DPP10: variants seen among roughly 807,000 people sequenced by gnomAD.
The protein encoded by DPP10 is inactive dipeptidyl peptidase 10.
In DPP10, 33 loss-of-function variants were observed where a neutral mutation model predicts 120.9. That is an observed-to-expected ratio of 0.27 (90% CI 0.21 to 0.37). DPP10 has a LOEUF of 0.37. Ranked by LOEUF, DPP10 falls within the 10% of genes least tolerant of loss-of-function variation. DPP10 has a pLI of 1.00. For synonymous variants in DPP10, 337 were observed against 326.1 expected, an observed-to-expected ratio of 1.03 and a Z score of -0.36; for missense variants, 816 against 942.8, an observed-to-expected ratio of 0.87 and a Z score of 1.76.
chr2:115,839,171 A>C (rs1217048832), intron 24 of DPP10, among the ~76,000 whole-genome samples: 1 of 152,176 alleles, frequency 6.6e-6, no homozygotes, highest in Non-Finnish European at 1.5e-5. Flanking sequence ...GTTTGTACTT[A>C]TGTAGCAATG....
chr2:114,850,861 G>A (rs1688896882), intron 1 of DPP10, among the ~76,000 whole-genome samples: 1 of 150,954 alleles, frequency 6.6e-6, no homozygotes, highest in African/African-American at 2.4e-5. Context: ...TTTTTTTCCT[G>A]CATGGTACCC....
chr2:115,384,865 C>T (rs191175288), intron 3 of DPP10, among the ~76,000 whole-genome samples: 14 of 152,268 alleles, frequency 9.2e-5, no homozygotes, highest in East Asian at 1.9e-4. Context: ...ATTTTACTCC[C>T]GTAATTCCCA....
intron 5 of DPP10, among the ~76,000 whole-genome samples, chr2:115,586,818 C>T (rs1420720514): frequency 1.3e-5 from 2 of 152,022 alleles, no homozygotes; most frequent in Admixed American, 6.6e-5. Context: ...TTGCACTGTT[C>T]TCATAAGGAA....
At chr2:114,523,548 A>G (rs1685249278) in intron 1 of DPP10, among the ~76,000 whole-genome samples, 1 of 152,206 alleles carries the variant, frequency 6.6e-6, no homozygotes, top group Admixed American at 6.5e-5. Flanking sequence ...ATTATGGCTT[A>G]TAAATGTCAG....
At chr2:115,423,432 A>G (rs952332527) in intron 3 of DPP10, among the ~76,000 whole-genome samples, 2 of 152,142 alleles carry the variant, frequency 1.3e-5, no homozygotes, top group Admixed American at 1.3e-4. Flanking sequence ...TCTAATGACA[A>G]AGCCATGTTT....
chr2:114,888,777 C>T (rs144123908), intron 1 of DPP10, among the ~76,000 whole-genome samples: 46 of 152,258 alleles, frequency 3.0e-4, no homozygotes, highest in Admixed American at 1.8e-3. Flanking sequence ...TTTCTCTTTT[C>T]GGTTCCTCTT....
intron 1 of DPP10, among the ~76,000 whole-genome samples, chr2:115,168,694 A>G (rs545971782): frequency 2.0e-5 from 3 of 152,324 alleles, no homozygotes; most frequent in South Asian, 4.1e-4. Context: ...TATTAACTCA[A>G]GGAATGGTTG....
At chr2:115,555,186 C>T (rs2080130113) in intron 5 of DPP10, among the ~76,000 whole-genome samples, 1 of 152,034 alleles carries the variant, frequency 6.6e-6, no homozygotes, top group Non-Finnish European at 1.5e-5. Context: ...AATTCATCTT[C>T]TAGAATATAT....
chr2:114,907,507 AT>A (rs1298678102), intron 1 of DPP10, among the ~76,000 whole-genome samples: 6 of 152,046 alleles, frequency 3.9e-5, no homozygotes, highest in Non-Finnish European at 7.4e-5. Flanking sequence ...CTTTATTTGC[AT>A]TTATCTTAAA....
chr2:115,686,609 G>A (rs948186939), intron 5 of DPP10, among the ~76,000 whole-genome samples: 1 of 152,022 alleles, frequency 6.6e-6, no homozygotes, highest in Non-Finnish European at 1.5e-5. Flanking sequence ...AGGGTTCACA[G>A]TATAATATAG....
intron 5 of DPP10, among the ~76,000 whole-genome samples, chr2:115,677,856 A>G (rs577698308): frequency 4.6e-5 from 7 of 152,320 alleles, no homozygotes; most frequent in African/African-American, 1.7e-4. Context: ...AGCATGAAAC[A>G]TATCATCTAG....
chr2:115,754,462 A>C (rs1246750747), intron 11 of DPP10, among the ~76,000 whole-genome samples: 1 of 152,202 alleles, frequency 6.6e-6, no homozygotes, highest in African/African-American at 2.4e-5. Flanking sequence ...AATAGTGAAG[A>C]GATCTCCCTG....
chr2:115,797,626 GTA>G, intron 19 of DPP10, among the ~76,000 whole-genome samples: 1 of 152,024 alleles, frequency 6.6e-6, no homozygotes, highest in Middle Eastern at 3.4e-3. Flanking sequence ...TACCCACACT[GTA>G]ATACATAGAA....
chr2:114,676,699 C>G (rs1287326976), intron 1 of DPP10, among the ~76,000 whole-genome samples: 3 of 151,924 alleles, frequency 2.0e-5, no homozygotes, highest in African/African-American at 7.3e-5. Context: ...GATAATGTTC[C>G]TAAATCTTGG....
intron 2 of DPP10, among the ~76,000 whole-genome samples, chr2:115,326,477 C>A (rs112207552): frequency 1.3e-5 from 2 of 151,974 alleles, no homozygotes; most frequent in African/African-American, 4.8e-5. Context: ...TATTATTTTA[C>A]AGTGCATTCC....
intron 1 of DPP10, among the ~76,000 whole-genome samples, chr2:114,481,960 GAGAGAGAGAGAGAGGAGAGAAAGAA>G (rs1043332292): frequency 1.1e-4 from 16 of 148,938 alleles, no homozygotes; most frequent in Admixed American, 5.4e-4. Flanking sequence ...AGGAGGAGAG[GAGAGAGAGAGAGAGGAGAGAAAGAA>G]AGAGAGAGAG....
At chr2:115,296,492 A>G (rs2060890536) in intron 1 of DPP10, among the ~76,000 whole-genome samples, 1 of 152,038 alleles carries the variant, frequency 6.6e-6, no homozygotes, top group Non-Finnish European at 1.5e-5. Context: ...TCTTGAAGAG[A>G]GAGCAGGGGA....
At chr2:115,005,901 A>G (rs1464188787) in intron 1 of DPP10, among the ~76,000 whole-genome samples, 2 of 152,192 alleles carry the variant, frequency 1.3e-5, no homozygotes, top group Non-Finnish European at 2.9e-5. Context: ...GAGCAACTCC[A>G]AGACACATAA....
At chr2:115,396,093 A>T (rs2106562733) in intron 3 of DPP10, among the ~76,000 whole-genome samples, 1 of 152,268 alleles carries the variant, frequency 6.6e-6, no homozygotes, top group Non-Finnish European at 1.5e-5. Context: ...GGTCTTCCTG[A>T]CCCAGACCAT....
Sources: allele counts gnomAD v4.1 joint callset (sites outside exome capture counted in the v4.1 genomes callset), GRCh38; gene constraint gnomAD v4.1.1; transcripts MANE v1.5; gene names NCBI Gene and HGNC (gene_info 2026-07-23, HGNC 2026-07-21).